TTBK1: variants seen among roughly 807,000 people sequenced by gnomAD.
The protein encoded by TTBK1 is tau tubulin kinase 1, also known as tau-tubulin kinase 1.
Under a neutral mutation model 108.5 loss-of-function variants are expected in TTBK1, and 34 were observed. That is an observed-to-expected ratio of 0.31 (90% CI 0.24 to 0.42). The LOEUF is 0.42. TTBK1 is among the 10% of genes least tolerant of loss of function. TTBK1 has a pLI of 1.00. For synonymous variants in TTBK1, 809 were observed against 795.1 expected (o/e 1.02, Z -0.29); for missense variants, 1,539 against 1,826.0 (o/e 0.84, Z 2.86).
In TTBK1 at chr6:43,269,535, C is replaced by T. The variant is rs912461239; in HGVS notation, c.1986+6185C>T. ...CCCTGCCTGACCCCGCCCACTTGCC[C>T]GGGACGCCGGCGCCGCAGGGGCTGT... is the stretch of plus-strand genomic sequence containing the variant. On this transcript the variant is annotated intron_variant, in intron 13 of 14. Transcript: ENST00000259750. The surrounding 1 kb of genome is among the most constrained non-coding windows in gnomAD (Gnocchi z 4.8). 6.1e-6 allele frequency: 8 copies of T among 1,309,968 alleles called. No homozygotes were observed. Among genetic ancestry groups the T allele is most frequent in the African/African-American group, 1.5e-5 (1 of 65,306 alleles). 81.1% of individuals were successfully genotyped at this position (1,309,968 alleles called of 1,614,324 possible).
rs774865673 is a variant in TTBK1 at position 43,269,830 on chromosome 6, G to A, written c.1986+6480G>A. The A allele has an allele frequency of 2.0e-6, 3 of 1,537,084 alleles. No homozygotes were observed. The highest frequency in any genetic ancestry group is 2.4e-5 in the East Asian group (1 of 40,934). On this transcript the variant is annotated intron_variant, in intron 13 of 14. Transcript: ENST00000259750. The surrounding 1 kb of genome is among the most constrained non-coding windows in gnomAD (Gnocchi z 4.8). The stretch of plus-strand genomic sequence containing the variant: ...CGCTCGGCTGAGAGCAGCCCTGTGC[G>A]GGCGCCCCACCGGCGCCACGCGCCC...
rs1450746580 is a variant in TTBK1, at chr6:43,269,675, C to T, written c.1986+6325C>T. On this transcript the variant is annotated intron_variant, in intron 13 of 14. Transcript: ENST00000259750. The surrounding 1 kb of genome is among the most constrained non-coding windows in gnomAD (Gnocchi z 4.8). Reference sequence around the variant, plus strand: ...AGGACAGACTCTCGGGGCACTCCCTCCCGCGGTACAGCCCCCTGCGACGAC... The same window carrying T: ...AGGACAGACTCTCGGGGCACTCCCTTCCGCGGTACAGCCCCCTGCGACGAC... 3.1e-6 allele frequency: 5 copies of T among 1,611,274 alleles called. No homozygotes were observed. The highest frequency in any genetic ancestry group is 1.3e-5 in the African/African-American group (1 of 74,912).
rs371419975 is a variant in TTBK1, at chr6:43,259,597, C to G, written c.1315C>G (p.Pro439Ala). The G allele has an allele frequency of 6.5e-5, 105 of 1,611,662 alleles. No individual in the cohort carries two copies. Among genetic ancestry groups the G allele is most frequent in the Non-Finnish European group, 8.6e-5 (101 of 1,179,246 alleles). Residue 439 changes from proline (P) to alanine (A), a missense_variant, in exon 12 of 15, where the codon CCA becomes GCA. Coordinates refer to ENST00000259750, the MANE Select transcript of TTBK1 (RefSeq NM_032538.3). This position sits in a 1 kb window ranked among gnomAD's most constrained non-coding sequence, Gnocchi z 6.7. ...GVPSSPVRAPPDSPTTPVRSL... is the reference protein window; with the variant it reads ...GVPSSPVRAPADSPTTPVRSL... Reference sequence around the variant, plus strand: ...CCCCAGCTCCCCAGTGCGTGCCCCCCCAGACTCCCCCACAACCCCAGTCCG... The same window carrying G: ...CCCCAGCTCCCCAGTGCGTGCCCCCGCAGACTCCCCCACAACCCCAGTCCG...
intron 13 of TTBK1, among the ~76,000 whole-genome samples, chr6:43,281,825 G>C (rs1288075471): frequency 3.3e-5 from 5 of 152,200 alleles, no homozygotes; most frequent in African/African-American, 1.2e-4. Context: ...GGGCATTGCG[G>C]GTGCCTGGGG....
intron 2 of TTBK1, among the ~76,000 whole-genome samples, chr6:43,249,138 T>G (rs1055533096): frequency 6.6e-6 from 1 of 151,922 alleles, no homozygotes; most frequent in African/African-American, 2.4e-5. Flanking sequence ...TCAGGACCAC[T>G]GAGCTGAAGA....
At chr6:43,267,134 C>G (rs1217090521) in intron 13 of TTBK1, among the ~76,000 whole-genome samples, 6 of 151,842 alleles carry the variant, frequency 4.0e-5, no homozygotes, top group Admixed American at 3.9e-4. Flanking sequence ...CTGTGTGTGT[C>G]TCTGGATGAA....
intron 1 of TTBK1, among the ~76,000 whole-genome samples, chr6:43,245,719 A>G (rs1777068040): frequency 6.6e-6 from 1 of 152,098 alleles, no homozygotes; most frequent in African/African-American, 2.4e-5. Flanking sequence ...TAATTCGAGG[A>G]GAGATGTGTT....
At chr6:43,266,183 T>G (rs1777672647) in intron 13 of TTBK1, among the ~76,000 whole-genome samples, 1 of 152,194 alleles carries the variant, frequency 6.6e-6, no homozygotes, top group Non-Finnish European at 1.5e-5. Context: ...CCTGTGCATG[T>G]GCGTTTGTGT....
At position 43,269,959 on chromosome 6, in the gene TTBK1, C is replaced by G. The variant is rs537134771; in HGVS notation, c.1986+6609C>G. The G allele has an allele frequency of 5.6e-5, 81 of 1,434,460 alleles. No individual in the cohort carries two copies. The East Asian group carries it at 9.5e-4, about 17-fold the overall frequency. The allele number at this position is 1,434,460 out of a possible 1,614,324, so 88.9% of individuals were successfully genotyped here. On this transcript the variant is annotated intron_variant, in intron 13 of 14. Transcript: ENST00000259750. The surrounding 1 kb of genome is among the most constrained non-coding windows in gnomAD (Gnocchi z 4.8). The stretch of plus-strand genomic sequence containing the variant: ...TTCACCCACAAGACCTAGGCTGGGC[C>G]CCCCCCCTCCTGGAGGGGGCAGGTG...
In TTBK1 at chr6:43,284,327, C is replaced by T. The variant is rs1314348592; in HGVS notation, c.3572+15C>T. The T allele has an allele frequency of 1.3e-6, 2 of 1,533,438 alleles. No homozygotes were observed. The highest frequency in any genetic ancestry group is 3.7e-5 in the Admixed American group (2 of 54,584). The allele number at this position is 1,533,438 out of a possible 1,614,324, so 95.0% of individuals were successfully genotyped here. A position where few individuals can be genotyped will look rare whatever the true frequency, so the allele number is the denominator to read the frequency against. Reference sequence around the variant, plus strand: ...ATCACCAGCAGGTGAGAAACCGCTGCCAGCCCCAGGGTGGGCAGAGGGTGG... The same window carrying T: ...ATCACCAGCAGGTGAGAAACCGCTGTCAGCCCCAGGGTGGGCAGAGGGTGG... On this transcript the variant is annotated intron_variant, in intron 14 of 14. Coordinates refer to ENST00000259750, the MANE Select transcript of TTBK1 (RefSeq NM_032538.3).
rs147577355 is a variant in TTBK1 at position 43,276,990 on chromosome 6, A to G, written c.1987-5737A>G. 2.8e-3 allele frequency among the ~76,000 whole-genome samples: 421 copies of G among 152,204 alleles called. 1 individual carries two copies. The highest frequency in any genetic ancestry group is 9.3e-3 in the African/African-American group (384 of 41,512). On this transcript the variant is annotated intron_variant, in intron 13 of 14. Coordinates refer to ENST00000259750, the MANE Select transcript of TTBK1 (RefSeq NM_032538.3). The surrounding 1 kb of genome is among the most constrained non-coding windows in gnomAD (Gnocchi z 5.4). ...TCTGGGACTCAGCTCCAAATTGCCA[A>G]CTTCCGGGTGGGGATGGAGGGTGTG...
chr6:43,256,403 G>T (rs181395450), intron 9 of TTBK1, among the ~76,000 whole-genome samples: 2 of 151,816 alleles, frequency 1.3e-5, no homozygotes, highest in Admixed American at 1.3e-4. Context: ...AAGGTGCCGG[G>T]ATTACAGGTG....
Position 43,269,957 on chromosome 6 carries a change from G to A in TTBK1, c.1986+6607G>A, listed in dbSNP as rs568206436. The A allele has an allele frequency of 7.2e-7, 1 of 1,391,212 alleles. No homozygotes were observed. Among genetic ancestry groups the A allele is most frequent in the Non-Finnish European group, 9.4e-7 (1 of 1,064,294 alleles). 86.2% of individuals were successfully genotyped at this position (1,391,212 alleles called of 1,614,324 possible). On this transcript the variant is annotated intron_variant, in intron 13 of 14. Coordinates refer to ENST00000259750, the MANE Select transcript of TTBK1 (RefSeq NM_032538.3). The surrounding 1 kb of genome is among the most constrained non-coding windows in gnomAD (Gnocchi z 4.8). ...GGTTCACCCACAAGACCTAGGCTGG[G>A]CCCCCCCCCTCCTGGAGGGGGCAGG...
Position 43,283,734 on chromosome 6 carries a change from G to C in TTBK1, c.2994G>C (p.Leu998=), listed in dbSNP as rs201676536. The change falls in exon 14 of 15, where the codon CTG becomes CTC. Residue 998 remains leucine (L), a synonymous_variant. Transcript: ENST00000259750. This position sits in a 1 kb window ranked among gnomAD's most constrained non-coding sequence, Gnocchi z 8.1. ...GGGCTGAGATAGAGGGCTCTGCCCT[G>C]TCTGGGGCCCCCCGGGAAACCCCCT... ...LNGAEIEGSA[L]SGAPRETPSE... is the part of the protein sequence containing the mutation. The C allele has an allele frequency of 1.4e-3, 2,279 of 1,613,814 alleles. 5 individuals carry two copies. Among genetic ancestry groups the C allele is most frequent in the Non-Finnish European group, 1.8e-3 (2,073 of 1,179,844 alleles).
chr6:43,246,857 C>T lies in TTBK1; in HGVS notation c.108+89C>T, dbSNP rs535966757. The T allele has an allele frequency of 1.7e-3, 1,748 of 1,020,454 alleles. 42 individuals are homozygous for T. The South Asian group carries it at 0.026, about 15-fold the overall frequency. The allele number at this position is 1,020,454 out of a possible 1,614,324, so 63.2% of individuals were successfully genotyped here. A position where few individuals can be genotyped will look rare whatever the true frequency, so the allele number is the denominator to read the frequency against. On this transcript the variant is annotated intron_variant, in intron 2 of 14. Transcript: ENST00000259750. The stretch of plus-strand genomic sequence containing the variant: ...TTGTTAAAACCGGTGCCCTCCGCTC[C>T]CCTACCCTAAGAGGGAGGTGCCTCT...
intron 13 of TTBK1, among the ~76,000 whole-genome samples, chr6:43,281,699 G>A (rs891288022): frequency 2.0e-5 from 3 of 152,310 alleles, no homozygotes; most frequent in Admixed American, 6.5e-5. Flanking sequence ...GATGGGCTGT[G>A]TTCGGCTAGC....
At chr6:43,254,512 G>A in intron 5 of TTBK1, 35 bp from the exon 6 acceptor site, 2 of 1,500,162 alleles carry the variant, frequency 1.3e-6, no homozygotes, top group South Asian at 1.4e-5. Context: ...GCTGGGGTTG[G>A]GGCCCCCAGA....
chr6:43,273,227 T>C lies in TTBK1; in HGVS notation c.1987-9500T>C, dbSNP rs1433276926. The stretch of plus-strand genomic sequence containing the variant: ...CTTGTTTGACAGAGTTTGTGAAACA[T>C]CTTGGTCTATGTATTGGTTGATTGA... On this transcript the variant is annotated intron_variant, in intron 13 of 14. Coordinates refer to ENST00000259750, the MANE Select transcript of TTBK1 (RefSeq NM_032538.3). This position sits in a 1 kb window ranked among gnomAD's most constrained non-coding sequence, Gnocchi z 4.2. 6.6e-6 allele frequency among the ~76,000 whole-genome samples: 1 copy of C among 152,136 alleles called. No individual in the cohort carries two copies. The highest frequency in any genetic ancestry group is 2.4e-5 in the African/African-American group (1 of 41,426).
chr6:43,244,526 G>C (rs1293784047), intron 1 of TTBK1, among the ~76,000 whole-genome samples: 1 of 152,148 alleles, frequency 6.6e-6, no homozygotes, highest in Non-Finnish European at 1.5e-5. Flanking sequence ...GGCAGTAACG[G>C]GGCAGCCAAG....
Sources: allele counts gnomAD v4.1 joint callset (sites outside exome capture counted in the v4.1 genomes callset), GRCh38; gene constraint gnomAD v4.1.1; non-coding constraint Gnocchi (gnomAD v3.1); transcripts MANE v1.5; gene names NCBI Gene and HGNC (gene_info 2026-07-23, HGNC 2026-07-21).